Variants in PLEKHA7 observed in about 807,000 individuals in gnomAD.
PLEKHA7 encodes the protein pleckstrin homology domain-containing family A member 7.
In PLEKHA7, 104 loss-of-function variants were observed where a neutral mutation model predicts 170.0. That is an observed-to-expected ratio of 0.61 (90% CI 0.52 to 0.72). The LOEUF is 0.72. PLEKHA7 is among the 30% of genes least tolerant of loss of function. PLEKHA7 has a pLI of 0.00. For missense variants in PLEKHA7, 1,615 were observed against 1,671.7 expected (o/e 0.97, Z 0.59); for synonymous variants, 648 against 660.8 (o/e 0.98, Z 0.30).
At chr11:16,930,243 G>A (rs2136319783) in intron 3 of PLEKHA7, among the ~76,000 whole-genome samples, 1 of 152,088 alleles carries the variant, frequency 6.6e-6, no homozygotes, top group Admixed American at 6.5e-5. Flanking sequence ...AGGACTGAAG[G>A]CAGATAGGAT....
rs1345006794 is a variant in PLEKHA7, at chr11:16,795,016, C to A, written c.2412G>T (p.Glu804Asp). Reference sequence around the variant, plus strand: ...ATAGATCTTTCTGTATCTGCGATTTCTCCTGAGGAAGACGAAGTGGTGGGT... The same window carrying A: ...ATAGATCTTTCTGTATCTGCGATTTATCCTGAGGAAGACGAAGTGGTGGGT... The part of the protein sequence containing the change: ...EQHRRAFFFQ[E>D]KSQIQKDLWR... Residue 804 changes from glutamate (E) to aspartate (D), a missense_variant and splice_region_variant, in exon 18 of 27, where the codon GAG becomes GAT. Transcript: ENST00000531066. The A allele has an allele frequency of 1.2e-6, 2 of 1,609,578 alleles. No homozygotes were observed. Among genetic ancestry groups the A allele is most frequent in the Non-Finnish European group, 1.7e-6 (2 of 1,175,842 alleles).
At chr11:16,871,217 T>C in intron 3 of PLEKHA7, 35 bp from the exon 4 acceptor site, 1 of 1,524,118 alleles carries the variant, frequency 6.6e-7, no homozygotes, top group African/African-American at 1.4e-5. Flanking sequence ...TGAGAATTCG[T>C]GTGAATGGAA....
rs556833569 is a variant in PLEKHA7 at position 16,952,945 on chromosome 11, TC to T, written c.221+61043del. On this transcript the variant is annotated intron_variant, in intron 3 of 26. Transcript: ENST00000531066. ...TTTAAAAAATTTTTAATTTGCTTTT[TC>T]ACAATGGCATCTACATATATTTGAA... Among the ~76,000 whole-genome samples, 322 of 152,392 alleles carry T rather than the reference TC, an allele frequency of 2.1e-3. 2 individuals are homozygous for T. Among genetic ancestry groups the T allele is most frequent in the African/African-American group, 7.4e-3 (307 of 41,596 alleles).
At chr11:16,966,547 C>A (rs534772673) in intron 3 of PLEKHA7, among the ~76,000 whole-genome samples, 1 of 152,024 alleles carries the variant, frequency 6.6e-6, no homozygotes, top group African/African-American at 2.4e-5. Context: ...AGCCAGGGTG[C>A]ACAAGTAAAA....
At chr11:16,855,989 G>A (rs1853418531) in intron 4 of PLEKHA7, 75 bp from the exon 5 acceptor site, 3 of 1,250,850 alleles carry the variant, frequency 2.4e-6, no homozygotes, top group Admixed American at 1.8e-5. Context: ...TCAGTTCCAG[G>A]TAGGAATCGG....
At chr11:16,820,440 G>A (rs1850118680) in intron 10 of PLEKHA7, among the ~76,000 whole-genome samples, 1 of 152,184 alleles carries the variant, frequency 6.6e-6, no homozygotes, top group Non-Finnish European at 1.5e-5. Flanking sequence ...TGTCGTGCCT[G>A]CCAAGTGAGT....
chr11:16,907,590 C>T lies in PLEKHA7; in HGVS notation c.222-36408G>A, dbSNP rs1240470175. 4.0e-5 allele frequency among the ~76,000 whole-genome samples: 5 copies of T among 124,192 alleles called. 1 individual carries two copies. Among genetic ancestry groups the T allele is most frequent in the African/African-American group, 8.6e-5 (3 of 34,756 alleles). 81.5% of individuals were successfully genotyped at this position (124,192 alleles called of 152,430 possible). A position where few individuals can be genotyped will look rare whatever the true frequency, so the allele number is the denominator to read the frequency against. ...GGGGTCAGCCCCCCGCCCGGCCAGC[C>T]GCCCCGTCCGGGAGGTGAGGGGCGC... is the stretch of plus-strand genomic sequence containing the variant. On this transcript the variant is annotated intron_variant, in intron 3 of 26. Transcript: ENST00000531066.
chr11:16,840,890 A>T (rs1445689965), intron 9 of PLEKHA7, among the ~76,000 whole-genome samples: 1 of 152,176 alleles, frequency 6.6e-6, no homozygotes. Context: ...CAGTCACTAA[A>T]AAGTTCCACC....
At chr11:16,960,047 CT>C (rs1418472267) in intron 3 of PLEKHA7, among the ~76,000 whole-genome samples, 2 of 152,218 alleles carry the variant, frequency 1.3e-5, no homozygotes, top group African/African-American at 4.8e-5. Flanking sequence ...CTGTGCCCTC[CT>C]TTCGCTGGCC....
intron 21 of PLEKHA7, chr11:16,790,259 T>G (rs929843475): frequency 1.7e-4 from 42 of 247,340 alleles, no homozygotes; most frequent in Non-Finnish European, 3.3e-4. Context: ...AGAAGGACAC[T>G]CAACTGGCAA....
At chr11:17,014,092 C>T (rs1185273988) in intron 2 of PLEKHA7, 33 bp downstream of exon 2, 2 of 1,584,840 alleles carry the variant, frequency 1.3e-6, no homozygotes, top group Non-Finnish European at 8.6e-7. Flanking sequence ...GCCGCCGCTG[C>T]GCGCGCCCCC....
chr11:16,978,335 A>C (rs713503), intron 3 of PLEKHA7, among the ~76,000 whole-genome samples: 79,612 of 152,012 alleles, frequency 0.52, 21,522 homozygotes, highest in East Asian at 0.86. Context: ...AAACACGGGA[A>C]ACAAAAGCAA....
At chr11:16,813,298 G>C in intron 12 of PLEKHA7, 132 bp from the exon 13 acceptor site, 1 of 609,760 alleles carries the variant, frequency 1.6e-6, no homozygotes. Context: ...AACACATCAG[G>C]GGCCACAGAG....
rs1858500330 is a variant in PLEKHA7 at position 16,914,586 on chromosome 11, C to A, written c.222-43404G>T. Among the ~76,000 whole-genome samples the A allele has an allele frequency of 3.3e-5, 5 of 152,182 alleles. No individual in the cohort carries two copies. The South Asian group carries it at 1.0e-3, about 32-fold the overall frequency. ...CCAGACCTTCCTTCACATCCAACTA[C>A]AATGTGCCTAAGTGAGTCTGAAAGG... On this transcript the variant is annotated intron_variant, in intron 3 of 26. Coordinates refer to ENST00000531066, the MANE Select transcript of PLEKHA7 (RefSeq NM_001329630.2).
chr11:16,893,956 G>A (rs964609096), intron 3 of PLEKHA7, among the ~76,000 whole-genome samples: 2 of 152,210 alleles, frequency 1.3e-5, no homozygotes, highest in African/African-American at 4.8e-5. Context: ...TGTTGATGCT[G>A]TACTGAATCA....
At chr11:16,927,565 G>A (rs1327597786) in intron 3 of PLEKHA7, among the ~76,000 whole-genome samples, 1 of 151,940 alleles carries the variant, frequency 6.6e-6, no homozygotes, top group Non-Finnish European at 1.5e-5. Context: ...AGAAGCCCTG[G>A]GTCATCCAAA....
At chr11:17,007,574 C>CTT (rs57078018) in intron 3 of PLEKHA7, among the ~76,000 whole-genome samples, 210 of 116,178 alleles carry the variant, frequency 1.8e-3, no homozygotes, top group African/African-American at 6.0e-3. Flanking sequence ...TCTAAAGATG[C>CTT]TTTTTTTTTT....
chr11:17,012,681 G>A (rs982964847), intron 3 of PLEKHA7, among the ~76,000 whole-genome samples: 6 of 152,082 alleles, frequency 3.9e-5, no homozygotes, highest in Non-Finnish European at 7.4e-5. Context: ...TCTGTTTTTT[G>A]TTCCCAATGC....
At chr11:16,915,088 T>C (rs1858538269) in intron 3 of PLEKHA7, among the ~76,000 whole-genome samples, 2 of 152,088 alleles carry the variant, frequency 1.3e-5, no homozygotes, top group Non-Finnish European at 2.9e-5. Flanking sequence ...ACCTCAATGA[T>C]CCCCTGTGGC....
Sources: allele counts gnomAD v4.1 joint callset (sites outside exome capture counted in the v4.1 genomes callset), GRCh38; gene constraint gnomAD v4.1.1; transcripts MANE v1.5; gene names NCBI Gene and HGNC (gene_info 2026-07-23, HGNC 2026-07-21).